RAP1GDS1: variants seen among roughly 807,000 people sequenced by gnomAD.
RAP1GDS1 encodes Rap1 GTPase-GDP dissociation stimulator 1.
In RAP1GDS1, 35 loss-of-function variants were observed where a neutral mutation model predicts 71.1. That is an observed-to-expected ratio of 0.49 (90% CI 0.38 to 0.65). The LOEUF is 0.65. Ranked by LOEUF, RAP1GDS1 falls within the 30% of genes least tolerant of loss-of-function variation. The pLI, the probability that RAP1GDS1 is intolerant of heterozygous loss-of-function variation, is 0.00. For missense variants in RAP1GDS1, 663 were observed against 706.1 expected, an observed-to-expected ratio of 0.94 and a Z score of 0.69; for synonymous variants, 229 against 243.1, an observed-to-expected ratio of 0.94 and a Z score of 0.54.
chr4:98,293,381 TTC>T, intron 1 of RAP1GDS1, 25 bp from the exon 2 acceptor site: 1 of 1,491,722 alleles, frequency 6.7e-7, no homozygotes, highest in African/African-American at 1.4e-5. Flanking sequence ...AAGGTTGAGT[TTC>T]TGATTTTTTT....
chr4:98,431,910 A>G (rs1750463781), intron 12 of RAP1GDS1, among the ~76,000 whole-genome samples: 1 of 152,176 alleles, frequency 6.6e-6, no homozygotes. Flanking sequence ...ACATTTGTTG[A>G]AGTAGTTGGT....
chr4:98,327,181 T>C (rs1057122035), intron 2 of RAP1GDS1, among the ~76,000 whole-genome samples: 60 of 152,118 alleles, frequency 3.9e-4, no homozygotes, highest in African/African-American at 1.4e-3. Context: ...AGTAAGCATA[T>C]TGTTGGTCAG....
At chr4:98,314,338 TCTTAA>T (rs1730658362) in intron 2 of RAP1GDS1, among the ~76,000 whole-genome samples, 1 of 152,182 alleles carries the variant, frequency 6.6e-6, no homozygotes, top group South Asian at 2.1e-4. Context: ...AAAACTTCGT[TCTTAA>T]CTTCAAAAGA....
In RAP1GDS1 at chr4:98,320,579, C is replaced by T. The variant is rs866756839; in HGVS notation, c.113-22560C>T. 9.5e-4 allele frequency among the ~76,000 whole-genome samples: 144 copies of T among 151,950 alleles called. 1 individual carries two copies. Among genetic ancestry groups the T allele is most frequent in the South Asian group, 5.0e-3 (24 of 4,788 alleles). On this transcript the variant is annotated intron_variant, in intron 2 of 14. Transcript: ENST00000408927. ...CAGCACGCAGCTGGAGATCTGAGAA[C>T]GGGCAGACTGCCTCCTCAAGTGGGT...
chr4:98,420,239 T>C (rs1437135553), intron 11 of RAP1GDS1, 95 bp downstream of exon 11: 3 of 1,178,622 alleles, frequency 2.5e-6, no homozygotes, highest in African/African-American at 1.6e-5. Context: ...TTTAGGATTA[T>C]GTAATCATAA....
chr4:98,305,800 T>G, intron 2 of RAP1GDS1, among the ~76,000 whole-genome samples: 1 of 152,224 alleles, frequency 6.6e-6, no homozygotes, highest in East Asian at 1.9e-4. Flanking sequence ...CTGGGTTTGC[T>G]AACATTAGCT....
intron 1 of RAP1GDS1, 125 bp downstream of exon 1, chr4:98,261,694 C>A: frequency 7.8e-7 from 1 of 1,278,446 alleles, no homozygotes; most frequent in South Asian, 1.4e-5. Flanking sequence ...GAGACGGTGG[C>A]TGTTCCTCCG....
intron 2 of RAP1GDS1, among the ~76,000 whole-genome samples, chr4:98,319,269 T>C (rs1238247450): frequency 6.6e-6 from 1 of 152,210 alleles, no homozygotes; most frequent in Non-Finnish European, 1.5e-5. Flanking sequence ...TTTGAGTGGC[T>C]AACCTCTCAA....
chr4:98,283,055 CA>C (rs1364667994), intron 1 of RAP1GDS1, among the ~76,000 whole-genome samples: 3 of 152,194 alleles, frequency 2.0e-5, no homozygotes, highest in Middle Eastern at 3.4e-3. Context: ...GTGAGAAACA[CA>C]TACCATCAAA....
At chr4:98,272,562 AC>A (rs1300106504) in intron 1 of RAP1GDS1, among the ~76,000 whole-genome samples, 16 of 152,068 alleles carry the variant, frequency 1.1e-4, no homozygotes, top group Admixed American at 7.9e-4. Context: ...CTTTCTGTTG[AC>A]CAGTGCCAGC....
intron 12 of RAP1GDS1, among the ~76,000 whole-genome samples, chr4:98,433,241 T>G (rs1351716061): frequency 6.6e-6 from 1 of 152,126 alleles, no homozygotes; most frequent in East Asian, 1.9e-4. Flanking sequence ...TCATAAAAGC[T>G]TTACCTGGAA....
rs35020636 is a variant in RAP1GDS1, at chr4:98,420,335, A to ATTATTTAT, written c.1300+214_1300+221dup. The stretch of plus-strand genomic sequence containing the variant: ...TTGTTATAATTATTTATTTATACAT[A>ATTATTTAT]TTATTTATTTATTTATTTATTTATT... On this transcript the variant is annotated intron_variant, in intron 11 of 14. Coordinates refer to ENST00000408927, the MANE Select transcript of RAP1GDS1 (RefSeq NM_001100427.2). Among the ~76,000 whole-genome samples the ATTATTTAT allele has an allele frequency of 1.1e-3, 159 of 149,864 alleles. 2 individuals carry two copies. Among genetic ancestry groups the ATTATTTAT allele is most frequent in the Middle Eastern group, 0.011 (3 of 284 alleles).
At chr4:98,379,297 C>A in intron 5 of RAP1GDS1, 134 bp downstream of exon 5, 2 of 937,356 alleles carry the variant, frequency 2.1e-6, no homozygotes, top group Non-Finnish European at 3.0e-6. Context: ...AATAATTAGC[C>A]AACATTAAAT....
At chr4:98,427,867 A>C (rs1749832435) in intron 12 of RAP1GDS1, among the ~76,000 whole-genome samples, 1 of 152,172 alleles carries the variant, frequency 6.6e-6, no homozygotes, top group Non-Finnish European at 1.5e-5. Context: ...ACAATTCTAA[A>C]ATTCATATGG....
At chr4:98,416,004 A>G (rs1418367022) in intron 7 of RAP1GDS1, among the ~76,000 whole-genome samples, 1 of 151,716 alleles carries the variant, frequency 6.6e-6, no homozygotes, top group Non-Finnish European at 1.5e-5. Flanking sequence ...GTAACCTTGA[A>G]CTCCTGGCCT....
intron 1 of RAP1GDS1, among the ~76,000 whole-genome samples, chr4:98,287,124 C>G (rs72892368): frequency 0.019 from 2,951 of 152,130 alleles, 103 homozygotes; most frequent in African/African-American, 0.067. Flanking sequence ...TAAATTTTCA[C>G]TATAGTGAGT....
At chr4:98,285,792 CT>C (rs1350172853) in intron 1 of RAP1GDS1, among the ~76,000 whole-genome samples, 1 of 143,536 alleles carries the variant, frequency 7.0e-6, no homozygotes, top group Non-Finnish European at 1.5e-5. Flanking sequence ...ATAATGGGCA[CT>C]TTTTATTAAT....
intron 12 of RAP1GDS1, among the ~76,000 whole-genome samples, chr4:98,429,278 A>G (rs1341482175): frequency 6.6e-6 from 1 of 151,764 alleles, no homozygotes; most frequent in Non-Finnish European, 1.5e-5. Flanking sequence ...AAAAAAGAAA[A>G]GAAACTATGA....
chr4:98,405,718 A>G (rs1746017641), intron 7 of RAP1GDS1, among the ~76,000 whole-genome samples: 1 of 152,106 alleles, frequency 6.6e-6, no homozygotes, highest in African/African-American at 2.4e-5. Flanking sequence ...TCAAAGTAAC[A>G]ACAGTTTGGC....
Sources: gnomAD v4.1 joint callset for allele counts (sites outside exome capture counted in the v4.1 genomes callset) on GRCh38, gnomAD v4.1.1 for gene constraint, MANE v1.5 for transcripts, NCBI Gene and HGNC (gene_info 2026-07-23, HGNC 2026-07-21) for gene names.